The following PLCD4 variants were observed in gnomAD, a reference collection of about 807,000 sequenced individuals.
PLCD4 encodes phospholipase C delta 4.
A neutral mutation model predicts 90.2 loss-of-function variants in PLCD4; 63 were observed. The ratio of observed to expected loss-of-function variants is 0.70; its 90% CI spans 0.57 to 0.86. The LOEUF (loss-of-function observed/expected upper bound fraction) is 0.86, where lower values mean the gene tolerates loss of function less well. Among genes scored for constraint, PLCD4 ranks in the 40% least tolerant of loss-of-function variants. The pLI is 0.00. For synonymous variants in PLCD4, 294 were observed against 356.5 expected, an observed-to-expected ratio of 0.82 and a Z score of 1.97; for missense variants, 830 against 956.3, an observed-to-expected ratio of 0.87 and a Z score of 1.74.
In PLCD4 at chr2:218,610,684, A is replaced by G. The variant is rs552878155; in HGVS notation, c.-34+2614A>G. ...GAAGGCCCTTTCCAAGAGCAGAGTCATTGTGAGATCCTTGAGCTGGTTGTA... is the reference window on the plus strand; with the variant it reads ...GAAGGCCCTTTCCAAGAGCAGAGTCGTTGTGAGATCCTTGAGCTGGTTGTA... On this transcript the variant is annotated intron_variant, in intron 1 of 15. Coordinates refer to ENST00000450993, the MANE Select transcript of PLCD4 (RefSeq NM_032726.4). 3.9e-5 allele frequency among the ~76,000 whole-genome samples: 6 copies of G among 152,002 alleles called. No homozygotes were observed. The South Asian group carries it at 1.0e-3, about 26-fold the overall frequency.
At chr2:218,627,950 GAGGA>G (rs1696187660) in intron 6 of PLCD4, 75 bp from the exon 7 acceptor site, 1 of 1,328,900 alleles carries the variant, frequency 7.5e-7, no homozygotes, top group Admixed American at 2.1e-5. Flanking sequence ...GATGGAGTGG[GAGGA>G]AGGATGGACT....
intron 1 of PLCD4, among the ~76,000 whole-genome samples, chr2:218,612,425 T>G (rs2106116759): frequency 6.6e-6 from 1 of 152,300 alleles, no homozygotes; most frequent in South Asian, 2.1e-4. Context: ...CCTGACAGAC[T>G]TCTTCTCAAC....
chr2:218,630,921 C>A, intron 9 of PLCD4, 119 bp downstream of exon 9: 2 of 1,111,588 alleles, frequency 1.8e-6, no homozygotes, highest in Non-Finnish European at 2.5e-6. Flanking sequence ...GACCATCTTG[C>A]TCTTTAATGT....
In PLCD4 at chr2:218,634,602, C is replaced by G; in HGVS notation, c.1868C>G (p.Pro623Arg). The change falls in exon 13 of 16, where the codon CCT (proline) becomes CGT (arginine). Residue 623 changes from proline to arginine, a missense_variant. Pro to Arg is a moderately radical substitution (Grantham distance 103). Transcript: ENST00000450993. The surrounding 1 kb of genome is among the most constrained non-coding windows in gnomAD (Gnocchi z 4.0). Reference protein sequence around the residue: ...SSFHPEKPISPFKAQTLLIQV... With the variant: ...SSFHPEKPISRFKAQTLLIQV... ...TTCCACCCTGAGAAGCCCATCAGCCCTTTCAAAGCCCAGACTCTCTTAATC... is the reference window on the plus strand; with the variant it reads ...TTCCACCCTGAGAAGCCCATCAGCCGTTTCAAAGCCCAGACTCTCTTAATC... The G allele has an allele frequency of 6.2e-7, 1 of 1,614,018 alleles. No homozygotes were observed. Among genetic ancestry groups the G allele is most frequent in the Non-Finnish European group, 8.5e-7 (1 of 1,179,896 alleles).
chr2:218,609,296 C>G, intron 1 of PLCD4: 1 of 152,112 alleles, frequency 6.6e-6, no homozygotes, highest in East Asian at 1.9e-4. Context: ...TCAGAGAGAC[C>G]TGAGACACCC....
intron 1 of PLCD4, among the ~76,000 whole-genome samples, chr2:218,613,392 CAAAAAAAAA>C (rs36096465): frequency 2.6e-5 from 2 of 76,822 alleles, no homozygotes; most frequent in South Asian, 4.5e-4. Context: ...AGTCTGTCTC[CAAAAAAAAA>C]AAAAAAAAAA....
chr2:218,617,282 A>G (rs1193987486), intron 3 of PLCD4, among the ~76,000 whole-genome samples: 1 of 148,756 alleles, frequency 6.7e-6, no homozygotes, highest in East Asian at 2.1e-4. Flanking sequence ...ATATTTTTAA[A>G]TACAAAAAAT....
rs933540875 is a variant in PLCD4 at position 218,633,616 on chromosome 2, C to T, written c.1461C>T (p.Pro487=). The change falls in exon 11 of 16, where the codon CCC becomes CCT. Residue 487 remains proline (P), a synonymous_variant. Transcript: ENST00000450993. The part of the protein sequence containing the change: ...QNKDKKKKSK[P]ILCPALSSLV... ...TCCACCTTCTCCAGAAATCCAAGCCCATCTTGTGTCCAGCCCTCTCTTCCC... is the reference window on the plus strand; with the variant it reads ...TCCACCTTCTCCAGAAATCCAAGCCTATCTTGTGTCCAGCCCTCTCTTCCC... 2.5e-5 allele frequency: 41 copies of T among 1,613,574 alleles called. No individual in the cohort carries two copies. Among genetic ancestry groups the T allele is most frequent in the Non-Finnish European group, 3.5e-5 (41 of 1,179,522 alleles).
intron 1 of PLCD4, among the ~76,000 whole-genome samples, chr2:218,608,641 C>T (rs1695193415): frequency 6.6e-6 from 1 of 152,208 alleles, no homozygotes; most frequent in African/African-American, 2.4e-5. Flanking sequence ...CCTGGAGCCA[C>T]AACTTCCAGA....
In PLCD4 at chr2:218,634,583, C is replaced by A. The variant is rs982373162; in HGVS notation, c.1849C>A (p.Pro617Thr). The A allele has an allele frequency of 1.9e-6, 3 of 1,613,932 alleles. No individual in the cohort carries two copies. In the African/African-American group the frequency reaches 4.0e-5, roughly 22 times the overall value. ...FLRDIQSSFHPEKPISPFKAQ... is the reference protein window; with the variant it reads ...FLRDIQSSFHTEKPISPFKAQ... ...GCGTGATATCCAGAGTTCTTTCCAC[C>A]CTGAGAAGCCCATCAGCCCTTTCAA... The change falls in exon 13 of 16, where the codon CCT becomes ACT. Residue 617 changes from proline to threonine, a missense_variant. Physicochemically the swap from Pro to Thr is conservative, Grantham distance 38 (BLOSUM62 -1). Coordinates refer to ENST00000450993, the MANE Select transcript of PLCD4 (RefSeq NM_032726.4). This position sits in a 1 kb window ranked among gnomAD's most constrained non-coding sequence, Gnocchi z 4.0.
intron 4 of PLCD4, among the ~76,000 whole-genome samples, chr2:218,619,289 A>ATGTTT (rs1356093955): frequency 4.8e-5 from 6 of 125,094 alleles, no homozygotes; most frequent in African/African-American, 1.7e-4. Context: ...ATATATATAT[A>ATGTTT]TGTTTTGTTT....
At chr2:218,622,936 T>A (rs984380632) in intron 6 of PLCD4, 58 bp downstream of exon 6, 41 of 1,464,170 alleles carry the variant, frequency 2.8e-5, no homozygotes, top group Non-Finnish European at 3.8e-5. Context: ...GGGACATGAT[T>A]ACAAGGTCCA....
intron 1 of PLCD4, among the ~76,000 whole-genome samples, chr2:218,608,406 C>G (rs912286661): frequency 6.6e-6 from 1 of 152,168 alleles, no homozygotes; most frequent in Non-Finnish European, 1.5e-5. Flanking sequence ...AGCATAGATT[C>G]ATTAACAGTT....
intron 9 of PLCD4, among the ~76,000 whole-genome samples, chr2:218,631,370 G>A (rs1156527887): frequency 6.6e-6 from 1 of 152,038 alleles, no homozygotes; most frequent in East Asian, 1.9e-4. Context: ...CACTATGTTA[G>A]CCAGGCTGGT....
At chr2:218,621,785 A>G (rs1379899551) in intron 5 of PLCD4, among the ~76,000 whole-genome samples, 186 bp downstream of exon 5, 1 of 152,218 alleles carries the variant, frequency 6.6e-6, no homozygotes, top group Non-Finnish European at 1.5e-5. Context: ...GTCTTGTTGA[A>G]AAGTCATAAT....
In PLCD4 at chr2:218,633,877, T is replaced by C. The variant is rs528472044; in HGVS notation, c.1606+116T>C. 6.2e-4 allele frequency: 673 copies of C among 1,094,192 alleles called. 1 individual carries two copies. The highest frequency in any genetic ancestry group is 8.1e-4 in the Non-Finnish European group (600 of 743,264). 67.8% of individuals were successfully genotyped at this position (1,094,192 alleles called of 1,614,324 possible). A position where few individuals can be genotyped will look rare whatever the true frequency, so the allele number is the denominator to read the frequency against. Reference sequence around the variant, plus strand: ...AGGTAGCTAAGGAGAGATGAAGGAGTTCAGAAACTCCTTAGAGCAGACAAG... The same window carrying C: ...AGGTAGCTAAGGAGAGATGAAGGAGCTCAGAAACTCCTTAGAGCAGACAAG... On this transcript the variant is annotated intron_variant, in intron 11 of 15. Coordinates refer to ENST00000450993, the MANE Select transcript of PLCD4 (RefSeq NM_032726.4).
At chr2:218,613,743 C>A (rs1418428441) in intron 1 of PLCD4, among the ~76,000 whole-genome samples, 4 of 151,884 alleles carry the variant, frequency 2.6e-5, no homozygotes, top group African/African-American at 7.3e-5. Flanking sequence ...TAAAAAAATT[C>A]TTTGTAGAGA....
In PLCD4 at chr2:218,634,172, C is replaced by T. The variant is rs1465262520; in HGVS notation, c.1674C>T (p.Asp558=). The change falls in exon 12 of 16, where the codon GAC becomes GAT. Residue 558 remains aspartate, a synonymous_variant. Coordinates refer to ENST00000450993, the MANE Select transcript of PLCD4 (RefSeq NM_032726.4). The surrounding 1 kb of genome is among the most constrained non-coding windows in gnomAD (Gnocchi z 4.0). ...TGTATCCCAGCGGCCTGAGGACAGACTCTTCCAACTACAACCCCCAGGAAC... is the reference window on the plus strand; with the variant it reads ...TGTATCCCAGCGGCCTGAGGACAGATTCTTCCAACTACAACCCCCAGGAAC... The part of the protein sequence containing the change: ...SRVYPSGLRT[D]SSNYNPQELW... 6.2e-7 allele frequency: 1 copy of T among 1,612,424 alleles called. No individual in the cohort carries two copies. The highest frequency in any genetic ancestry group is 8.5e-7 in the Non-Finnish European group (1 of 1,179,294).
At position 218,635,914 on chromosome 2, in the gene PLCD4, A is replaced by C; in HGVS notation, c.2015A>C (p.Asn672Thr). 6.2e-7 allele frequency: 1 copy of C among 1,614,018 alleles called. No individual in the cohort carries two copies. The highest frequency in any genetic ancestry group is 1.1e-5 in the South Asian group (1 of 91,078). Residue 672 changes from asparagine (N) to threonine (T), a missense_variant, in exon 14 of 16, where the codon AAC becomes ACC. By Grantham distance (65) the Asn-to-Thr change is moderately conservative (BLOSUM62 0). Transcript: ENST00000450993. Reference protein sequence around the residue: ...VRLDTARQETNYVENNGFNPY... With the variant: ...VRLDTARQETTYVENNGFNPY... Reference sequence around the variant, plus strand: ...CTAGACACAGCACGGCAGGAGACCAACTATGTGGAGAACAATGGTGAGAAA... The same window carrying C: ...CTAGACACAGCACGGCAGGAGACCACCTATGTGGAGAACAATGGTGAGAAA...
Sources: allele counts gnomAD v4.1 joint callset (sites outside exome capture counted in the v4.1 genomes callset), GRCh38; gene constraint gnomAD v4.1.1; non-coding constraint Gnocchi (gnomAD v3.1); transcripts MANE v1.5; gene names NCBI Gene and HGNC (gene_info 2026-07-23, HGNC 2026-07-21).